Variants in SNX24 observed in about 807,000 individuals in gnomAD.
The protein encoded by SNX24 is sorting nexin 24.
A neutral mutation model predicts 28.7 loss-of-function variants in SNX24; 22 were observed. The ratio of observed to expected loss-of-function variants is 0.77; its 90% confidence interval spans 0.55 to 1.10. The LOEUF (loss-of-function observed/expected upper bound fraction) is 1.10, where lower values mean the gene tolerates loss of function less well. Ranked by LOEUF, SNX24 falls within the 50% of genes least tolerant of loss-of-function variation. The pLI is 0.00. For missense variants in SNX24, 221 were observed against 201.1 expected (o/e 1.10, Z -0.60); for synonymous variants, 69 against 71.5 (o/e 0.96, Z 0.18).
chr5:123,026,146 CAG>C (rs1479077353), intron 5 of SNX24, among the ~76,000 whole-genome samples: 2 of 152,112 alleles, frequency 1.3e-5, no homozygotes, highest in Admixed American at 1.3e-4. Flanking sequence ...CTTAAGGGAA[CAG>C]GGCACTAGGG....
At chr5:122,857,962 T>A (rs1383152835) in intron 1 of SNX24, among the ~76,000 whole-genome samples, 1 of 152,138 alleles carries the variant, frequency 6.6e-6, no homozygotes, top group Non-Finnish European at 1.5e-5. Flanking sequence ...TTTGTATTTT[T>A]AGTAGAGACG....
chr5:122,926,888 A>G (rs951211892), intron 1 of SNX24, among the ~76,000 whole-genome samples: 1 of 152,222 alleles, frequency 6.6e-6, no homozygotes, highest in South Asian at 2.1e-4. Context: ...TACAGGGTCA[A>G]CCACCTCTAG....
At chr5:122,911,171 T>G (rs1398540112) in intron 1 of SNX24, among the ~76,000 whole-genome samples, 1 of 152,224 alleles carries the variant, frequency 6.6e-6, no homozygotes, top group Admixed American at 6.5e-5. Context: ...CTAACTGGAG[T>G]GAGATGGTAT....
chr5:122,921,447 T>C (rs1374289390), intron 1 of SNX24, among the ~76,000 whole-genome samples: 1 of 152,190 alleles, frequency 6.6e-6, no homozygotes, highest in Non-Finnish European at 1.5e-5. Flanking sequence ...GAAAAGGTCT[T>C]ATTCAAAAAG....
intron 1 of SNX24, among the ~76,000 whole-genome samples, chr5:122,859,813 G>T (rs1755374440): frequency 6.6e-6 from 1 of 152,138 alleles, no homozygotes; most frequent in Admixed American, 6.5e-5. Context: ...AAATACATTG[G>T]TTTGTCCAGA....
intron 1 of SNX24, among the ~76,000 whole-genome samples, chr5:122,911,215 G>C (rs1483802362): frequency 6.6e-6 from 1 of 152,154 alleles, no homozygotes; most frequent in Non-Finnish European, 1.5e-5. Flanking sequence ...TTCTCTGATG[G>C]CCAGTGATGA....
intron 1 of SNX24, among the ~76,000 whole-genome samples, chr5:122,880,901 C>T (rs564321139): frequency 7.2e-5 from 11 of 152,304 alleles, no homozygotes; most frequent in South Asian, 2.1e-4. Context: ...AAATTGCATC[C>T]GTTTGTCATG....
At chr5:122,980,490 G>T (rs1009165059) in intron 3 of SNX24, among the ~76,000 whole-genome samples, 1 of 151,922 alleles carries the variant, frequency 6.6e-6, no homozygotes, top group East Asian at 1.9e-4. Context: ...AAGAGTTTGG[G>T]GTTGAAATTT....
At chr5:122,916,504 C>CT (rs11448679) in intron 1 of SNX24, among the ~76,000 whole-genome samples, 107,954 of 152,020 alleles carry the variant, frequency 0.71, 38,947 homozygotes, top group East Asian at 0.97. Flanking sequence ...ATATTTTGTG[C>CT]TTTTTTTATC....
intron 5 of SNX24, among the ~76,000 whole-genome samples, chr5:123,015,145 G>A (rs986559811): frequency 1.3e-4 from 20 of 152,164 alleles, no homozygotes; most frequent in African/African-American, 4.3e-4. Flanking sequence ...CAGGGGTAGC[G>A]TCTGACTTGT....
chr5:123,024,437 A>T (rs908079306), intron 5 of SNX24, among the ~76,000 whole-genome samples: 29 of 152,216 alleles, frequency 1.9e-4, no homozygotes, highest in African/African-American at 6.3e-4. Flanking sequence ...GCCAGAAAGC[A>T]GATTCAGAAA....
intron 1 of SNX24, among the ~76,000 whole-genome samples, chr5:122,930,759 A>G (rs897766835): frequency 1.1e-4 from 16 of 152,112 alleles, no homozygotes; most frequent in African/African-American, 3.9e-4. Context: ...TTTTGCTATC[A>G]TGAATTTTCT....
chr5:122,945,762 T>A (rs1239164439), intron 2 of SNX24, among the ~76,000 whole-genome samples: 1 of 152,228 alleles, frequency 6.6e-6, no homozygotes, highest in Non-Finnish European at 1.5e-5. Context: ...ACTTTCATTT[T>A]TATTCATTTA....
chr5:122,875,874 C>T (rs776718212), intron 1 of SNX24, among the ~76,000 whole-genome samples: 5 of 152,226 alleles, frequency 3.3e-5, no homozygotes, highest in Non-Finnish European at 5.9e-5. Context: ...ACTGCAACCT[C>T]TGCTCTCAGG....
intron 1 of SNX24, among the ~76,000 whole-genome samples, chr5:122,888,741 A>T (rs1020404589): frequency 2.6e-5 from 4 of 152,142 alleles, no homozygotes; most frequent in African/African-American, 9.7e-5. Flanking sequence ...CTCCCCTAAC[A>T]CTATTCCCTA....
chr5:122,984,966 CT>C (rs1389435886), intron 3 of SNX24, among the ~76,000 whole-genome samples: 4 of 152,130 alleles, frequency 2.6e-5, no homozygotes, highest in Non-Finnish European at 5.9e-5. Context: ...TTTTTAGTTT[CT>C]CTTTTTTGTC....
At chr5:123,024,322 C>G (rs1233100325) in intron 5 of SNX24, among the ~76,000 whole-genome samples, 3 of 152,192 alleles carry the variant, frequency 2.0e-5, no homozygotes, top group Non-Finnish European at 4.4e-5. Flanking sequence ...ACACCCAGCT[C>G]TAGTAAAAGG....
intron 1 of SNX24, among the ~76,000 whole-genome samples, chr5:122,863,689 A>G (rs1406087023): frequency 6.6e-6 from 1 of 152,142 alleles, no homozygotes; most frequent in East Asian, 1.9e-4. Context: ...CCAAGCAGCT[A>G]GGACCATGGA....
chr5:122,899,022 A>G (rs908415585), intron 1 of SNX24, among the ~76,000 whole-genome samples: 1 of 152,118 alleles, frequency 6.6e-6, no homozygotes, highest in African/African-American at 2.4e-5. Context: ...TGTCCTGGCC[A>G]TTTTTGAGAG....
Sources: allele counts gnomAD v4.1 joint callset (sites outside exome capture counted in the v4.1 genomes callset), GRCh38; gene constraint gnomAD v4.1.1; transcripts MANE v1.5; gene names NCBI Gene and HGNC (gene_info 2026-07-23, HGNC 2026-07-21).